PDE4D: variants seen among roughly 807,000 people sequenced by gnomAD.
PDE4D encodes phosphodiesterase 4D, also known as 3',5'-cyclic-AMP phosphodiesterase 4D.
A neutral mutation model predicts 87.4 loss-of-function variants in PDE4D; 24 were observed. That is an observed-to-expected ratio of 0.27 (90% CI 0.20 to 0.39). The LOEUF is 0.39. PDE4D is among the 10% of genes least tolerant of loss of function. The pLI is 1.00. For missense variants in PDE4D, 714 were observed against 1,041.0 expected (o/e 0.69, Z 4.32); for synonymous variants, 384 against 383.2 (o/e 1.00, Z -0.02).
intron 1 of PDE4D, among the ~76,000 whole-genome samples, chr5:60,304,651 CAAAAAAA>C (rs70975379): frequency 2.8e-4 from 17 of 60,062 alleles, no homozygotes; most frequent in African/African-American, 1.3e-3. Context: ...GACTCCGTCT[CAAAAAAA>C]AAAAAAAAAA....
At chr5:60,001,775 A>C (rs1365552677) in intron 2 of PDE4D, among the ~76,000 whole-genome samples, 2 of 151,976 alleles carry the variant, frequency 1.3e-5, no homozygotes, top group Admixed American at 1.3e-4. Flanking sequence ...GTAAAAGTGT[A>C]GAGTTTTTGT....
chr5:59,106,032 G>A (rs1023041308), intron 5 of PDE4D, among the ~76,000 whole-genome samples: 2 of 152,208 alleles, frequency 1.3e-5, no homozygotes, highest in Non-Finnish European at 2.9e-5. Flanking sequence ...GTTTTAATGT[G>A]AGAAGAATTC....
At chr5:60,188,852 G>A (rs911158123) in intron 1 of PDE4D, among the ~76,000 whole-genome samples, 2 of 152,306 alleles carry the variant, frequency 1.3e-5, no homozygotes, top group South Asian at 2.1e-4. Context: ...CCACGTTTTT[G>A]TCTACTCTTC....
At chr5:59,514,381 A>G (rs891529296) in intron 1 of PDE4D, among the ~76,000 whole-genome samples, 7 of 152,180 alleles carry the variant, frequency 4.6e-5, no homozygotes, top group Non-Finnish European at 8.8e-5. Context: ...CTGGGATTAC[A>G]GGCGTGAGCC....
At chr5:60,035,947 T>C (rs931994376) in intron 2 of PDE4D, among the ~76,000 whole-genome samples, 1 of 152,180 alleles carries the variant, frequency 6.6e-6, no homozygotes, top group Non-Finnish European at 1.5e-5. Context: ...TTTTAAAAGA[T>C]ACACAACAAC....
intron 1 of PDE4D, among the ~76,000 whole-genome samples, chr5:59,409,588 C>T (rs1792307326): frequency 6.6e-6 from 1 of 152,120 alleles, no homozygotes; most frequent in South Asian, 2.1e-4. Flanking sequence ...AACCCCCTTA[C>T]TCCTGCTCTC....
At chr5:60,060,179 T>A (rs1205047688) in intron 2 of PDE4D, among the ~76,000 whole-genome samples, 1 of 152,088 alleles carries the variant, frequency 6.6e-6, no homozygotes, top group African/African-American at 2.4e-5. Context: ...CTCTCTCTCT[T>A]GCTCTATGTT....
chr5:59,767,664 G>A (rs1230608571), intron 1 of PDE4D, among the ~76,000 whole-genome samples: 2 of 152,140 alleles, frequency 1.3e-5, no homozygotes, highest in Admixed American at 1.3e-4. Flanking sequence ...GTACCAGCCT[G>A]CAACTTTCTG....
intron 1 of PDE4D, among the ~76,000 whole-genome samples, chr5:60,362,593 C>T (rs1760162633): frequency 6.6e-6 from 1 of 152,180 alleles, no homozygotes; most frequent in Admixed American, 6.5e-5. Context: ...CACAGTGGCT[C>T]ACGCCTGTAA....
At chr5:59,571,860 T>C (rs751733887) in intron 1 of PDE4D, among the ~76,000 whole-genome samples, 7 of 152,200 alleles carry the variant, frequency 4.6e-5, no homozygotes, top group Admixed American at 1.3e-4. Flanking sequence ...TAATATATAA[T>C]AGCCATGTCA....
chr5:59,529,724 A>T (rs1295944136), intron 1 of PDE4D, among the ~76,000 whole-genome samples: 1 of 152,250 alleles, frequency 6.6e-6, no homozygotes, highest in African/African-American at 2.4e-5. Context: ...TAAAAACATT[A>T]TATGACCAAA....
chr5:60,397,077 T>C (rs1040354412), intron 1 of PDE4D, among the ~76,000 whole-genome samples: 2 of 152,156 alleles, frequency 1.3e-5, no homozygotes, highest in African/African-American at 4.8e-5. Flanking sequence ...CCCTTACAAA[T>C]TAAAACTGCA....
At chr5:59,234,206 T>C (rs191383845) in intron 1 of PDE4D, among the ~76,000 whole-genome samples, 3 of 152,344 alleles carry the variant, frequency 2.0e-5, no homozygotes, top group African/African-American at 4.8e-5. Flanking sequence ...CATTTGAATA[T>C]ATTCATCCAT....
At chr5:59,002,208 G>C (rs1313698705) in intron 6 of PDE4D, 4 of 356,624 alleles carry the variant, frequency 1.1e-5, no homozygotes, top group Non-Finnish European at 2.2e-5. Context: ...GTTCACTCTG[G>C]TACTGAGAAC....
intron 3 of PDE4D, among the ~76,000 whole-genome samples, chr5:59,969,271 C>T (rs1302878208): frequency 6.6e-6 from 1 of 152,066 alleles, no homozygotes; most frequent in Non-Finnish European, 1.5e-5. Context: ...CAAAGAATGG[C>T]TTTTGTAGAT....
intron 5 of PDE4D, among the ~76,000 whole-genome samples, chr5:59,118,813 G>T (rs1362783680): frequency 6.6e-6 from 1 of 152,122 alleles, no homozygotes. Context: ...TTATCCCCAA[G>T]AAGTCTTCAC....
intron 2 of PDE4D, among the ~76,000 whole-genome samples, chr5:60,058,190 A>G (rs1192701475): frequency 6.6e-6 from 1 of 151,956 alleles, no homozygotes; most frequent in Admixed American, 6.6e-5. Context: ...ATTTTGATTA[A>G]TCTCACTCCT....
At chr5:59,880,376 C>T (rs1002226338) in intron 1 of PDE4D, among the ~76,000 whole-genome samples, 7 of 152,140 alleles carry the variant, frequency 4.6e-5, no homozygotes, top group African/African-American at 1.4e-4. Context: ...TCCTAAAGTA[C>T]GGCGATTACA....
intron 1 of PDE4D, among the ~76,000 whole-genome samples, chr5:59,465,134 T>A (rs967911567): frequency 6.6e-6 from 1 of 152,190 alleles, no homozygotes; most frequent in African/African-American, 2.4e-5. Flanking sequence ...TCTAGCCTCA[T>A]CTCAAGTTAC....
Sources: gnomAD v4.1 joint callset for allele counts (sites outside exome capture counted in the v4.1 genomes callset) on GRCh38, gnomAD v4.1.1 for gene constraint, MANE v1.5 for transcripts, NCBI Gene and HGNC (gene_info 2026-07-23, HGNC 2026-07-21) for gene names.